CYB5A: variants seen among roughly 807,000 people sequenced by gnomAD.
CYB5A encodes the protein cytochrome b5 type A, also known as cytochrome b5.
Under a neutral mutation model 16.2 loss-of-function variants are expected in CYB5A, and 10 were observed. That is an observed-to-expected ratio of 0.62 (90% CI 0.38 to 1.04). The LOEUF is 1.04. CYB5A is among the 50% of genes least tolerant of loss of function. The pLI, the probability that CYB5A is intolerant of heterozygous loss-of-function variation, is 0.01. For missense variants in CYB5A, 161 were observed against 165.9 expected (o/e 0.97, Z 0.16); for synonymous variants, 62 against 57.0 (o/e 1.09, Z -0.40).
intron 1 of CYB5A, among the ~76,000 whole-genome samples, chr18:74,287,373 G>T (rs1454820688): frequency 6.6e-6 from 1 of 152,134 alleles, no homozygotes; most frequent in Non-Finnish European, 1.5e-5. Flanking sequence ...CAAAATTAAG[G>T]GCAATGAATT....
intron 3 of CYB5A, chr18:74,257,868 G>C (rs1319895368): frequency 6.6e-6 from 1 of 152,278 alleles, no homozygotes; most frequent in African/African-American, 2.4e-5. Flanking sequence ...AGTGAGTCCA[G>C]ATCCATGCCG....
At chr18:74,270,505 G>C (rs1388715700) in intron 1 of CYB5A, among the ~76,000 whole-genome samples, 3 of 151,950 alleles carry the variant, frequency 2.0e-5, no homozygotes, top group Non-Finnish European at 4.4e-5. Context: ...TTCCCTCTCA[G>C]TACTTGTCAC....
rs755049920 is a variant in CYB5A at position 74,263,488 on chromosome 18, G to A, written c.130-11C>T. 6 of 1,614,004 alleles carry A rather than the reference G, an allele frequency of 3.7e-6. No individual in the cohort carries two copies. The highest frequency in any genetic ancestry group is 3.3e-5 in the South Asian group (3 of 91,090). ...TTCCCCACCAGGATGCTGTTCAAAG[G>A]AGAGGTAGAATAAAAATTTTTTTTT... On this transcript the variant is annotated splice_polypyrimidine_tract_variant and intron_variant, in intron 1 of 4. Coordinates refer to ENST00000340533, the MANE Select transcript of CYB5A (RefSeq NM_148923.4).
Position 74,283,623 on chromosome 18 carries a change from C to T in CYB5A, c.129+8124G>A, listed in dbSNP as rs145705779. On this transcript the variant is annotated intron_variant, in intron 1 of 4. Transcript: ENST00000340533. ...GCATCACAAATTCCCTTTGCTTTCT[C>T]CCTGGTTCCTCCAGAGAACTCTCCA... 4.9e-4 allele frequency among the ~76,000 whole-genome samples: 74 copies of T among 152,290 alleles called. No individual in the cohort carries two copies. The East Asian group carries it at 0.013, about 27-fold the overall frequency.
At chr18:74,267,912 G>C (rs1428011717) in intron 1 of CYB5A, among the ~76,000 whole-genome samples, 1 of 152,220 alleles carries the variant, frequency 6.6e-6, no homozygotes, top group Non-Finnish European at 1.5e-5. Context: ...GGAGAAAGGT[G>C]GGGAGAGGAT....
intron 1 of CYB5A, among the ~76,000 whole-genome samples, chr18:74,270,746 T>C (rs1982636155): frequency 6.6e-6 from 1 of 152,234 alleles, no homozygotes; most frequent in South Asian, 2.1e-4. Flanking sequence ...ATATAGGTTA[T>C]ATGCAAATAC....
At chr18:74,255,405 A>C (rs1471622713) in intron 4 of CYB5A, among the ~76,000 whole-genome samples, 1 of 152,234 alleles carries the variant, frequency 6.6e-6, no homozygotes, top group African/African-American at 2.4e-5. Context: ...ACATGGATTG[A>C]AAGGAAGGAA....
Position 74,278,248 on chromosome 18 carries a change from G to C in CYB5A, c.129+13499C>G, listed in dbSNP as rs17089047. The stretch of plus-strand genomic sequence containing the variant: ...TCCTGACCACTGTGTGTACTGAGAG[G>C]AGAGCCACTTCGCTGAGATCTGCTA... On this transcript the variant is annotated intron_variant, in intron 1 of 4. Transcript: ENST00000340533. Among the ~76,000 whole-genome samples the C allele has an allele frequency of 5.5e-3, 845 of 152,306 alleles. 9 individuals carry two copies. The highest frequency in any genetic ancestry group is 0.019 in the African/African-American group (804 of 41,560).
intron 3 of CYB5A, 180 bp from the exon 4 acceptor site, chr18:74,255,955 A>G: frequency 1.7e-6 from 1 of 592,536 alleles, no homozygotes. Context: ...TTTCTTCCAG[A>G]GTAAAACATT....
At chr18:74,265,052 G>T (rs1982380843) in intron 1 of CYB5A, among the ~76,000 whole-genome samples, 1 of 152,136 alleles carries the variant, frequency 6.6e-6, no homozygotes, top group Admixed American at 6.5e-5. Context: ...ACAAAAACCG[G>T]TCTCCCTTGC....
chr18:74,275,995 C>T (rs890061543), intron 1 of CYB5A, among the ~76,000 whole-genome samples: 1 of 152,134 alleles, frequency 6.6e-6, no homozygotes, highest in African/African-American at 2.4e-5. Context: ...TCTCCAACCC[C>T]ATTTCTCCCC....
chr18:74,269,201 G>T (rs1195766233), intron 1 of CYB5A, among the ~76,000 whole-genome samples: 2 of 152,110 alleles, frequency 1.3e-5, no homozygotes, highest in African/African-American at 4.8e-5. Flanking sequence ...TCGCTCCATG[G>T]CTTTATACAG....
intron 1 of CYB5A, among the ~76,000 whole-genome samples, chr18:74,278,020 G>A (rs7239714): frequency 0.62 from 95,043 of 152,086 alleles, 30,574 homozygotes; most frequent in Middle Eastern, 0.72. Flanking sequence ...GACAAATAAT[G>A]ATGAATATCA....
chr18:74,257,027 C>G (rs948326054), intron 3 of CYB5A: 1 of 592,844 alleles, frequency 1.7e-6, no homozygotes, highest in African/African-American at 1.9e-5. Flanking sequence ...TAGAAATAAT[C>G]AAAATATACA....
rs749632656 is a variant in CYB5A at position 74,253,619 on chromosome 18, C to T, written c.370G>A (p.Ala124Thr). The T allele has an allele frequency of 5.6e-6, 9 of 1,613,206 alleles. No homozygotes were observed. In the African/African-American group the frequency reaches 8.0e-5, roughly 14 times the overall value. ...VIPAISAVAV[A>T]LMYRLYMAED ...GCCATGTATAGGCGATACATCAAGGCGACGGCCACTGCAGAGATGGCAGGG... is the reference window on the plus strand; with the variant it reads ...GCCATGTATAGGCGATACATCAAGGTGACGGCCACTGCAGAGATGGCAGGG... Residue 124 changes from alanine (A) to threonine (T), a missense_variant, in exon 5 of 5, where the codon GCC becomes ACC. Physicochemically the swap from Ala to Thr is moderately conservative, Grantham distance 58. Transcript: ENST00000340533.
In CYB5A at chr18:74,263,390, T is replaced by C; in HGVS notation, c.217A>G (p.Arg73Gly). 1 of 1,614,138 alleles carries C rather than the reference T, an allele frequency of 6.2e-7. No individual in the cohort carries two copies. The highest frequency in any genetic ancestry group is 8.5e-7 in the Non-Finnish European group (1 of 1,180,004). The change falls in exon 2 of 5, where the codon AGG becomes GGG. Residue 73 changes from arginine (R) to glycine (G), a missense_variant. Transcript: ENST00000340533. ...FEDVGHSTDA[R>G]EMSKTFIIGE... ...ATGATGAATGTTTTGGACATTTCCC[T>C]GGCATCTGTAGAGTGCCCGACATCC...
In CYB5A at chr18:74,263,450, C is replaced by G; in HGVS notation, c.157G>C (p.Glu53Gln). 1 of 1,614,116 alleles carries G rather than the reference C, an allele frequency of 6.2e-7. No homozygotes were observed. ...EHPGGEEVLR[E>Q]QAGGDATENF... ...TCAGTAGCGTCACCTCCAGCTTGTT[C>G]CCTTAAAACTTCTTCCCCACCAGGA... Residue 53 changes from glutamate (E) to glutamine (Q), a missense_variant, in exon 2 of 5, where the codon GAA becomes CAA. Transcript: ENST00000340533.
At chr18:74,267,401 C>T (rs1345603680) in intron 1 of CYB5A, among the ~76,000 whole-genome samples, 1 of 152,194 alleles carries the variant, frequency 6.6e-6, no homozygotes, top group African/African-American at 2.4e-5. Flanking sequence ...AGGTAATCCA[C>T]CTGCCTCGGC....
chr18:74,287,976 TA>T (rs1327319287), intron 1 of CYB5A, among the ~76,000 whole-genome samples: 1 of 152,118 alleles, frequency 6.6e-6, no homozygotes, highest in Non-Finnish European at 1.5e-5. Flanking sequence ...TTCACAAATA[TA>T]AACTCAAAAA....
Sources: allele counts gnomAD v4.1 joint callset (sites outside exome capture counted in the v4.1 genomes callset), GRCh38; gene constraint gnomAD v4.1.1; transcripts MANE v1.5; gene names NCBI Gene and HGNC (gene_info 2026-07-23, HGNC 2026-07-21).